ATP2B1: variants seen among roughly 807,000 people sequenced by gnomAD.
The protein encoded by ATP2B1 is ATPase plasma membrane Ca2+ transporting 1.
ATP2B1 carries 14 observed loss-of-function variants against 124.2 expected under a neutral mutation model. The observed-to-expected ratio is 0.11, with a 90% confidence interval of 0.07 to 0.18. ATP2B1 has a LOEUF of 0.18. ATP2B1 is among the 10% of genes least tolerant of loss of function. The pLI is 1.00. For missense variants in ATP2B1, 763 were observed against 1,466.1 expected, an observed-to-expected ratio of 0.52 and a Z score of 7.83; for synonymous variants, 449 against 492.4, an observed-to-expected ratio of 0.91 and a Z score of 1.17.
intron 2 of ATP2B1, among the ~76,000 whole-genome samples, chr12:89,648,142 T>A (rs146783417): frequency 1.3e-5 from 2 of 152,168 alleles, no homozygotes; most frequent in Admixed American, 1.3e-4. Context: ...GCTATAAAGA[T>A]ACCTTAAAAA....
intron 1 of ATP2B1, among the ~76,000 whole-genome samples, chr12:89,657,636 G>GA (rs1405122653): frequency 7.9e-5 from 12 of 152,286 alleles, no homozygotes; most frequent in African/African-American, 2.9e-4. Context: ...GCATATATCA[G>GA]AATCACCCAG....
chr12:89,666,398 C>T (rs2136469162), intron 1 of ATP2B1, among the ~76,000 whole-genome samples: 1 of 152,314 alleles, frequency 6.6e-6, no homozygotes, highest in Non-Finnish European at 1.5e-5. Context: ...AACTTATCAT[C>T]CCTTGGAATT....
At chr12:89,667,890 T>C (rs2136484503) in intron 1 of ATP2B1, among the ~76,000 whole-genome samples, 1 of 152,310 alleles carries the variant, frequency 6.6e-6, no homozygotes, top group Admixed American at 6.5e-5. Context: ...AAAATCATTC[T>C]AAAATTCATA....
chr12:89,640,441 T>C (rs991626180), intron 3 of ATP2B1, among the ~76,000 whole-genome samples: 3 of 152,172 alleles, frequency 2.0e-5, no homozygotes, highest in Non-Finnish European at 4.4e-5. Context: ...GAATGAATAT[T>C]GTGACAAATA....
Position 89,598,786 on chromosome 12 carries a change from G to GA in ATP2B1, c.3351+330dup, listed in dbSNP as rs1340227099. On this transcript the variant is annotated intron_variant, in intron 20 of 20. Transcript: ENST00000428670. ...TTGTGACAGCTTGCTCAGCAAGAGA[G>GA]AGAGAGAACAAGAGAAAGGACCATT... is the stretch of plus-strand genomic sequence containing the variant. 6 of 1,606,228 alleles carry GA rather than the reference G, an allele frequency of 3.7e-6. No homozygotes were observed. The South Asian group carries it at 6.6e-5, about 18-fold the overall frequency.
rs753026592 is a variant in ATP2B1 at position 89,599,275 on chromosome 12, G to A, written c.3193C>T (p.Arg1065Cys). 10 of 1,613,864 alleles carry A rather than the reference G, an allele frequency of 6.2e-6. No homozygotes were observed. Among genetic ancestry groups the A allele is most frequent in the African/African-American group, 1.3e-5 (1 of 74,898 alleles). The stretch of plus-strand genomic sequence containing the variant: ...CCAGCTTCTTTGAGGAATTTTAAAC[G>A]GCTAGTTGGAATTGTTGAAATAAGC... ...GQLISTIPTS[R>C]LKFLKEAGHG... is the part of the protein sequence containing the mutation. The change falls in exon 20 of 21, where the codon CGT becomes TGT. Residue 1065 changes from arginine (R) to cysteine (C), a missense_variant. Physicochemically the swap from Arg to Cys is radical, Grantham distance 180 (BLOSUM62 -3). Transcript: ENST00000428670.
chr12:89,704,377 A>G (rs1442758007), intron 1 of ATP2B1, among the ~76,000 whole-genome samples: 7 of 152,210 alleles, frequency 4.6e-5, no homozygotes, highest in South Asian at 2.1e-4. Flanking sequence ...TACACCAAAT[A>G]TAAGTAATGA....
intron 9 of ATP2B1, among the ~76,000 whole-genome samples, 160 bp from the exon 10 acceptor site, chr12:89,621,951 T>A (rs12306551): frequency 0.011 from 1,696 of 152,080 alleles, 28 homozygotes; most frequent in African/African-American, 0.038. Context: ...TTTTTTTTTT[T>A]AGCATATTTG....
chr12:89,610,773 T>C (rs551041832), intron 13 of ATP2B1: 40 of 410,184 alleles, frequency 9.8e-5, no homozygotes, highest in Admixed American at 2.0e-4. Context: ...ACTGTTTTTA[T>C]ATATCATTAT....
chr12:89,598,052 A>AAAAAAAAAAAAAAAAC, intron 20 of ATP2B1, among the ~76,000 whole-genome samples: 1 of 150,582 alleles, frequency 6.6e-6, no homozygotes, highest in African/African-American at 2.4e-5. Context: ...AAAAAAAAAA[A>AAAAAAAAAAAAAAAAC]AAAAAAAAAA....
chr12:89,709,129 G>A (rs891138327), upstream of ATP2B1: 1 of 150,858 alleles, frequency 6.6e-6, no homozygotes, highest in Non-Finnish European at 1.5e-5. Context: ...CCGAGCACGA[G>A]GGGGCTGCGC....
Position 89,677,960 on chromosome 12 carries a change from A to ATATATATG in ATP2B1, c.-221-21854_-221-21853insCATATATA, listed in dbSNP as rs1306624839. On this transcript the variant is annotated intron_variant, in intron 1 of 20. Transcript: ENST00000428670. Reference sequence around the variant, plus strand: ...GGTTGGGGGCATGCAGGAATTATATATATATATATATACACACACACACAC... The same window carrying ATATATATG: ...GGTTGGGGGCATGCAGGAATTATATATATATATGTATATATATATACACACACACACAC... Among the ~76,000 whole-genome samples the ATATATATG allele has an allele frequency of 3.4e-3, 107 of 31,702 alleles. 13 individuals are homozygous for ATATATATG. Among genetic ancestry groups the ATATATATG allele is most frequent in the East Asian group, 0.026 (37 of 1,448 alleles). 20.8% of individuals were successfully genotyped at this position (31,702 alleles called of 152,430 possible).
intron 1 of ATP2B1, among the ~76,000 whole-genome samples, chr12:89,661,945 G>C (rs988875938): frequency 1.2e-4 from 19 of 152,162 alleles, no homozygotes; most frequent in Non-Finnish European, 2.4e-4. Context: ...GATATCAGCA[G>C]TGATTCTCAA....
intron 1 of ATP2B1, among the ~76,000 whole-genome samples, chr12:89,661,347 A>C (rs1565886322): frequency 6.6e-6 from 1 of 152,194 alleles, no homozygotes; most frequent in Non-Finnish European, 1.5e-5. Flanking sequence ...TTTTCTGTTA[A>C]ATCATGGTTA....
At chr12:89,630,267 T>C (rs572836777) in intron 6 of ATP2B1, among the ~76,000 whole-genome samples, 3 of 152,298 alleles carry the variant, frequency 2.0e-5, no homozygotes. Context: ...ATTCTACACC[T>C]AGAGAATAAA....
intron 1 of ATP2B1, among the ~76,000 whole-genome samples, chr12:89,694,232 T>C (rs753842206): frequency 6.6e-6 from 1 of 152,206 alleles, no homozygotes; most frequent in African/African-American, 2.4e-5. Flanking sequence ...AAAAAAGTTA[T>C]ATTCAACTAC....
At chr12:89,650,664 C>A (rs966769435) in intron 2 of ATP2B1, among the ~76,000 whole-genome samples, 1 of 152,076 alleles carries the variant, frequency 6.6e-6, no homozygotes, top group Non-Finnish European at 1.5e-5. Context: ...TTGGCACCTG[C>A]CTTTAATTTT....
At chr12:89,643,243 T>A (rs7971752) in intron 2 of ATP2B1, among the ~76,000 whole-genome samples, 29 of 151,402 alleles carry the variant, frequency 1.9e-4, no homozygotes, top group African/African-American at 6.5e-4. Context: ...TATATATGTA[T>A]ATATACACAC....
At position 89,609,888 on chromosome 12, in the gene ATP2B1, AAACC is replaced by A. The variant is rs769653048; in HGVS notation, c.2442+45_2442+48del. The A allele has an allele frequency of 1.2e-5, 19 of 1,534,282 alleles. No homozygotes were observed. The East Asian group carries it at 2.5e-4, about 20-fold the overall frequency. On this transcript the variant is annotated intron_variant, in intron 15 of 20. Transcript: ENST00000428670. The stretch of plus-strand genomic sequence containing the variant: ...TCAACAAACAAACAAACAAACAAAC[AAACC>A]AGTCAGTAAATTACGTTTGGATATT...
Sources: allele counts gnomAD v4.1 joint callset (sites outside exome capture counted in the v4.1 genomes callset), GRCh38; gene constraint gnomAD v4.1.1; transcripts MANE v1.5; gene names NCBI Gene and HGNC (gene_info 2026-07-23, HGNC 2026-07-21).